The following MTMR10 variants were observed in gnomAD, a reference collection of about 807,000 sequenced individuals.
MTMR10 encodes the protein myotubularin related protein 10.
In MTMR10, 56 loss-of-function variants were observed where a neutral mutation model predicts 88.1. That is an observed-to-expected ratio of 0.64 (90% confidence interval 0.51 to 0.79). MTMR10 has a LOEUF of 0.79. MTMR10 is among the 30% of genes least tolerant of loss of function. MTMR10 has a pLI of 0.00. For missense variants in MTMR10, 883 were observed against 924.7 expected, an observed-to-expected ratio of 0.95 and a Z score of 0.58; for synonymous variants, 380 against 340.9, an observed-to-expected ratio of 1.11 and a Z score of -1.26.
the MTMR10 span, among the ~76,000 whole-genome samples, chr15:30,932,111 A>G: frequency 6.8e-4 from 102 of 150,742 alleles, no homozygotes; most frequent in Admixed American, 9.4e-4. Flanking sequence ...AGTCCCAGCT[A>G]CTTGGGAGGC....
intron 6 of MTMR10, among the ~76,000 whole-genome samples, chr15:30,963,246 T>C (rs537712525): frequency 1.3e-5 from 2 of 152,310 alleles, no homozygotes; most frequent in African/African-American, 2.4e-5. Flanking sequence ...GGTGCTGCTC[T>C]AGATTACGGA....
At chr15:30,921,037 G>A in the MTMR10 span, among the ~76,000 whole-genome samples, 1 of 152,202 alleles carries the variant, frequency 6.6e-6, no homozygotes, top group East Asian at 1.9e-4. Context: ...GCCCACCTTG[G>A]CCTCTGATGC....
intron 14 of MTMR10, chr15:30,943,847 T>C: frequency 1.0e-6 from 1 of 985,430 alleles, no homozygotes; most frequent in Non-Finnish European, 1.2e-6. Context: ...CACAGTCACA[T>C]TTAGCAATGT....
At chr15:30,954,738 A>G in intron 10 of MTMR10, 25 bp downstream of exon 10, 1 of 1,572,994 alleles carries the variant, frequency 6.4e-7, no homozygotes, top group Non-Finnish European at 8.6e-7. Context: ...TGTTCATTAT[A>G]TATATGAAAT....
chr15:30,968,315 C>T (rs887811243), intron 5 of MTMR10: 2 of 222,152 alleles, frequency 9.0e-6, no homozygotes, highest in African/African-American at 4.6e-5. Flanking sequence ...ACTAAAGAAG[C>T]ATTCTCCAAA....
At chr15:30,991,293 G>T in intron 1 of MTMR10, 154 bp downstream of exon 1, 2 of 701,744 alleles carry the variant, frequency 2.9e-6, no homozygotes, top group Non-Finnish European at 4.3e-6. Context: ...TCCCGAGAAG[G>T]CGCATTTCGC....
chr15:30,967,739 T>C (rs1224352496), intron 6 of MTMR10, among the ~76,000 whole-genome samples, 181 bp downstream of exon 6: 3 of 152,178 alleles, frequency 2.0e-5, no homozygotes, highest in East Asian at 3.9e-4. Context: ...TCCTGGTAAC[T>C]TGTCAAGAAA....
intron 2 of MTMR10, among the ~76,000 whole-genome samples, chr15:30,977,208 T>C (rs1018047899): frequency 2.0e-5 from 3 of 152,302 alleles, no homozygotes; most frequent in Non-Finnish European, 2.9e-5. Context: ...CTGACTTCAG[T>C]GTACTTTTTT....
chr15:30,930,529 T>G, the MTMR10 span: 6 of 1,583,292 alleles, frequency 3.8e-6, no homozygotes, highest in Middle Eastern at 1.7e-4. Flanking sequence ...AACTGTCCTG[T>G]GTTTTGTGTT....
chr15:30,940,667 C>T lies in MTMR10; in HGVS notation c.*803G>A, dbSNP rs565307342. The T allele has an allele frequency of 3.4e-5, 34 of 987,120 alleles. No individual in the cohort carries two copies. Among genetic ancestry groups the T allele is most frequent in the Admixed American group, 2.4e-4 (4 of 16,422 alleles). The allele number at this position is 987,120 out of a possible 1,614,324, so 61.1% of individuals were successfully genotyped here. On this transcript the variant is annotated 3_prime_UTR_variant, in exon 16 of 16. Coordinates refer to ENST00000435680, the MANE Select transcript of MTMR10 (RefSeq NM_017762.3). ...GAATCAGCACCCCAGAGGCCACTCC[C>T]CAGTGGCTTTCAGAGGAACAAGACT...
rs140821993 is a variant in MTMR10, at chr15:30,950,534, G to C, written c.1207+1434C>G. Among the ~76,000 whole-genome samples, 402 of 152,258 alleles carry C rather than the reference G, an allele frequency of 2.6e-3. 1 individual carries two copies. Among genetic ancestry groups the C allele is most frequent in the African/African-American group, 9.2e-3 (381 of 41,544 alleles). ...AAAATACAAAAATTAGCCGGGCGTG[G>C]TGGTGCATGCTTGTAATCCCAGCTA... On this transcript the variant is annotated intron_variant, in intron 12 of 15. Transcript: ENST00000435680.
At chr15:30,990,664 T>C (rs995844109) in intron 2 of MTMR10, 113 bp downstream of exon 2, 3 of 868,274 alleles carry the variant, frequency 3.5e-6, no homozygotes, top group African/African-American at 1.7e-5. Flanking sequence ...GACTTTTAAC[T>C]GGAGAAAGTT....
the MTMR10 span, among the ~76,000 whole-genome samples, chr15:30,932,879 A>AT: frequency 0.033 from 4,530 of 139,280 alleles, 220 homozygotes; most frequent in African/African-American, 0.11. Flanking sequence ...TGCCTGGATA[A>AT]TTTTTTTTTT....
At chr15:30,978,436 G>A (rs2030317298) in intron 2 of MTMR10, among the ~76,000 whole-genome samples, 1 of 152,184 alleles carries the variant, frequency 6.6e-6, no homozygotes, top group South Asian at 2.1e-4. Context: ...TGTCCACCAT[G>A]AGTTGGGCAG....
In MTMR10 at chr15:30,952,118, CTAATT is replaced by C. The variant is rs1396981288; in HGVS notation, c.1137-85_1137-81del. On this transcript the variant is annotated intron_variant, in intron 11 of 15. Coordinates refer to ENST00000435680, the MANE Select transcript of MTMR10 (RefSeq NM_017762.3). ...ATAAAGTACTTGAAATCAAGCAAAT[CTAATT>C]TCTCACTTTACAGATGCTCTCTGAT... is the stretch of plus-strand genomic sequence containing the variant. 49 of 1,194,836 alleles carry C rather than the reference CTAATT, an allele frequency of 4.1e-5. No individual in the cohort carries two copies. The Admixed American group carries it at 8.6e-4, about 21-fold the overall frequency. 74.0% of individuals were successfully genotyped at this position (1,194,836 alleles called of 1,614,324 possible).
chr15:30,981,199 A>C (rs1362986277), intron 2 of MTMR10, among the ~76,000 whole-genome samples: 2 of 152,238 alleles, frequency 1.3e-5, no homozygotes, highest in Non-Finnish European at 2.9e-5. Flanking sequence ...TGGTAGTTTT[A>C]AGGTATGCCC....
chr15:30,952,634 C>T (rs1455735213), intron 11 of MTMR10, among the ~76,000 whole-genome samples: 1 of 151,994 alleles, frequency 6.6e-6, no homozygotes, highest in Non-Finnish European at 1.5e-5. Context: ...CCTAGGACAG[C>T]AGGCACATGC....
At chr15:30,945,082 T>G (rs2063151020) in intron 14 of MTMR10, among the ~76,000 whole-genome samples, 2 of 151,808 alleles carry the variant, frequency 1.3e-5, no homozygotes, top group Non-Finnish European at 1.5e-5. Flanking sequence ...AGAGACCAGA[T>G]TTTCTATAAA....
chr15:30,947,035 T>A, intron 14 of MTMR10, 95 bp downstream of exon 14: 1 of 1,414,142 alleles, frequency 7.1e-7, no homozygotes, highest in South Asian at 1.5e-5. Flanking sequence ...TTTTAAATCA[T>A]AAGATTTTAA....
Sources: gnomAD v4.1 joint callset for allele counts (sites outside exome capture counted in the v4.1 genomes callset) on GRCh38, gnomAD v4.1.1 for gene constraint, MANE v1.5 for transcripts, NCBI Gene and HGNC (gene_info 2026-07-23, HGNC 2026-07-21) for gene names.